The following RARS1 variants were observed in gnomAD, a reference collection of about 807,000 sequenced individuals.
RARS1 encodes arginyl-tRNA synthetase 1.
A neutral mutation model predicts 78.7 loss-of-function variants in RARS1; 75 were observed. The observed-to-expected ratio is 0.95, with a 90% CI of 0.79 to 1.15. The LOEUF is 1.15. Among genes scored for constraint, RARS1 ranks in the 50% most tolerant of loss-of-function variants. The probability of loss-of-function intolerance (pLI) is 0.00; values close to 1 mark genes in which losing one functional copy is unlikely to be tolerated. For missense variants in RARS1, 787 were observed against 787.5 expected (o/e 1.00, Z 0.01); for synonymous variants, 273 against 268.2 (o/e 1.02, Z -0.18).
intron 8 of RARS1, among the ~76,000 whole-genome samples, chr5:168,501,560 T>A (rs1281861003): frequency 6.6e-6 from 1 of 152,090 alleles, no homozygotes; most frequent in Non-Finnish European, 1.5e-5. Flanking sequence ...CCATCTCTAC[T>A]AAAAGTGGAA....
intron 4 of RARS1, 31 bp downstream of exon 4, chr5:168,494,033 T>A: frequency 6.5e-7 from 1 of 1,541,308 alleles, no homozygotes; most frequent in Non-Finnish European, 8.9e-7. Context: ...TCTTAATAGT[T>A]GTATTGAACA....
rs745773302 is a variant in RARS1 at position 168,500,574 on chromosome 5, A to AAT, written c.823-5_823-4dup. ...TCTTTTTACACACCTTACTTTTTAA[A>AAT]ATATATATATATACAGGAATCTAAG... is the stretch of plus-strand genomic sequence containing the variant. On this transcript the variant is annotated splice_polypyrimidine_tract_variant and intron_variant, in intron 7 of 14. Transcript: ENST00000231572. The AAT allele has an allele frequency of 4.4e-4, 624 of 1,416,046 alleles. 3 individuals are homozygous for AAT. The East Asian group carries it at 6.1e-3, about 14-fold the overall frequency. The allele number at this position is 1,416,046 out of a possible 1,614,324, so 87.7% of individuals were successfully genotyped here. A position where few individuals can be genotyped will look rare whatever the true frequency, so the allele number is the denominator to read the frequency against.
chr5:168,502,368 A>G (rs1447860869), intron 9 of RARS1, among the ~76,000 whole-genome samples: 1 of 89,776 alleles, frequency 1.1e-5, no homozygotes, highest in Non-Finnish European at 2.1e-5. Flanking sequence ...ACAAATATAT[A>G]TATATATATA....
intron 10 of RARS1, 80 bp downstream of exon 10, chr5:168,506,279 C>G (rs556566653): frequency 6.4e-5 from 73 of 1,137,672 alleles, no homozygotes; most frequent in Admixed American, 1.1e-4. Context: ...ACATCTGACA[C>G]TGGATGACTG....
intron 1 of RARS1, 85 bp downstream of exon 1, chr5:168,486,628 A>G (rs1757969673): frequency 2.8e-6 from 4 of 1,423,280 alleles, no homozygotes; most frequent in East Asian, 5.0e-5. Context: ...GGGGCGGGAC[A>G]GCTAGGCGAG....
chr5:168,518,351 C>G (rs1056524727), intron 14 of RARS1, among the ~76,000 whole-genome samples: 2 of 151,696 alleles, frequency 1.3e-5, no homozygotes, highest in African/African-American at 4.8e-5. Flanking sequence ...ATGGAAACTT[C>G]CACTTTTTCC....
intron 12 of RARS1, among the ~76,000 whole-genome samples, 177 bp from the exon 13 acceptor site, chr5:168,516,601 T>G (rs1190579657): frequency 6.6e-6 from 1 of 152,256 alleles, no homozygotes; most frequent in East Asian, 1.9e-4. Flanking sequence ...ATTTTATATT[T>G]TCATTATTTT....
At chr5:168,501,344 A>G (rs1448908810) in intron 8 of RARS1, among the ~76,000 whole-genome samples, 3 of 151,792 alleles carry the variant, frequency 2.0e-5, no homozygotes, top group Non-Finnish European at 4.4e-5. Context: ...AATCAGGAAA[A>G]ACCAGAAGAA....
In RARS1 at chr5:168,494,627, C is replaced by A; in HGVS notation, c.556C>A (p.Pro186Thr). 1 of 1,601,248 alleles carries A rather than the reference C, an allele frequency of 6.2e-7. No individual in the cohort carries two copies. ...TCTTCTAGTGAATGGAGTTCAACTACCTGCTCTGGGAGAGAATAAAAAGGT... is the reference window on the plus strand; with the variant it reads ...TCTTCTAGTGAATGGAGTTCAACTAACTGCTCTGGGAGAGAATAAAAAGGT... ...TSLLVNGVQL[P>T]ALGENKKVIV... The change falls in exon 5 of 15, where the codon CCT becomes ACT. Residue 186 changes from proline (P) to threonine (T), a missense_variant. Transcript: ENST00000231572.
chr5:168,494,702 C>T (rs1758148177), intron 5 of RARS1, 52 bp downstream of exon 5: 1 of 1,269,810 alleles, frequency 7.9e-7, no homozygotes, highest in Non-Finnish European at 1.1e-6. Flanking sequence ...CTGCGTGGAA[C>T]CAAGCATGGT....
chr5:168,502,382 A>ATTTTTTTTTTTT (rs376556548), intron 9 of RARS1, among the ~76,000 whole-genome samples: 1 of 119,404 alleles, frequency 8.4e-6, no homozygotes, highest in African/African-American at 3.7e-5. Flanking sequence ...ATATATATAT[A>ATTTTTTTTTTTT]TATTTTTTTT....
At position 168,489,845 on chromosome 5, in the gene RARS1, A is replaced by T; in HGVS notation, c.180+1109A>T. 2.3e-5 allele frequency among the ~76,000 whole-genome samples: 3 copies of T among 128,966 alleles called. 1 individual carries two copies. In the Admixed American group the frequency reaches 2.8e-4, roughly 12 times the overall value. 84.6% of individuals were successfully genotyped at this position (128,966 alleles called of 152,430 possible). On this transcript the variant is annotated intron_variant, in intron 2 of 14. Coordinates refer to ENST00000231572, the MANE Select transcript of RARS1 (RefSeq NM_002887.4). ...TTTTTTTTTTTTGAGACGGAGTCTCACTCTTGTTGCTCAGGCTGGATTGCA... is the reference window on the plus strand; with the variant it reads ...TTTTTTTTTTTTGAGACGGAGTCTCTCTCTTGTTGCTCAGGCTGGATTGCA...
rs369227217 is a variant in RARS1 at position 168,486,472 on chromosome 5, C to T, written c.-27C>T. The T allele has an allele frequency of 1.2e-5, 18 of 1,554,016 alleles. No homozygotes were observed. Among genetic ancestry groups the T allele is most frequent in the Admixed American group, 2.0e-5 (1 of 51,008 alleles). On this transcript the variant is annotated 5_prime_UTR_variant, in exon 1 of 15. Transcript: ENST00000231572. ...GGCTGACCGTTTCCGCTTCCGTCCA[C>T]TTGGCGAGTGAGACGCTGATGGGAG...
chr5:168,500,606 T>A lies in RARS1; in HGVS notation c.838T>A (p.Phe280Ile), dbSNP rs2152904574. 3 of 1,567,360 alleles carry A rather than the reference T, an allele frequency of 1.9e-6. No individual in the cohort carries two copies. The South Asian group carries it at 3.6e-5, about 19-fold the overall frequency. ...ATATATACAGGAATCTAAGAAGAGG[T>A]TTGATACTGAGGAGGAATTTAAGAA... ...QVFYKESKKR[F>I]DTEEEFKKRA... is the part of the protein sequence containing the mutation. Residue 280 changes from phenylalanine to isoleucine, a missense_variant, in exon 8 of 15, where the codon TTT becomes ATT. Transcript: ENST00000231572.
intron 1 of RARS1, 148 bp from the exon 2 acceptor site, chr5:168,488,454 C>T: frequency 1.1e-6 from 1 of 897,734 alleles, no homozygotes; most frequent in Non-Finnish European, 1.7e-6. Flanking sequence ...GGATAATATG[C>T]TAACGTCAGC....
intron 2 of RARS1, among the ~76,000 whole-genome samples, chr5:168,490,165 T>A (rs1055666017): frequency 2.6e-5 from 4 of 152,224 alleles, no homozygotes; most frequent in African/African-American, 9.6e-5. Flanking sequence ...ATTACCTATA[T>A]GTGATCTGCT....
In RARS1 at chr5:168,494,560, T is replaced by G; in HGVS notation, c.489T>G (p.Asn163Lys). 1 of 1,609,428 alleles carries G rather than the reference T, an allele frequency of 6.2e-7. No individual in the cohort carries two copies. The highest frequency in any genetic ancestry group is 8.5e-7 in the Non-Finnish European group (1 of 1,175,870). ...TCTTCTATCCATTAGGTTTTATTAA[T>G]GTCCACTTAAGAAAGGATTTTGTAT... ...KVEIAGPGFI[N>K]VHLRKDFVSE... The change falls in exon 5 of 15, where the codon AAT becomes AAG. Residue 163 changes from asparagine to lysine, a missense_variant. Physicochemically the swap from Asn to Lys is moderately conservative, Grantham distance 94. Coordinates refer to ENST00000231572, the MANE Select transcript of RARS1 (RefSeq NM_002887.4).
chr5:168,517,301 C>T (rs11958018), intron 13 of RARS1, among the ~76,000 whole-genome samples: 18 of 152,134 alleles, frequency 1.2e-4, no homozygotes, highest in African/African-American at 4.3e-4. Context: ...CACCACCATG[C>T]CCAGCTAAAT....
chr5:168,494,684 T>G (rs755381288), intron 5 of RARS1, 34 bp downstream of exon 5: 22 of 1,404,496 alleles, frequency 1.6e-5, no homozygotes, highest in Non-Finnish European at 2.0e-5. Flanking sequence ...TATATTAGTA[T>G]CTTAGAACTG....
Sources: allele counts gnomAD v4.1 joint callset (sites outside exome capture counted in the v4.1 genomes callset), GRCh38; gene constraint gnomAD v4.1.1; transcripts MANE v1.5; gene names NCBI Gene and HGNC (gene_info 2026-07-23, HGNC 2026-07-21).